The following ARL6IP6 variants were observed in gnomAD, a reference collection of about 807,000 sequenced individuals.
ARL6IP6 encodes ADP-ribosylation factor-like protein 6-interacting protein 6.
Under a neutral mutation model 21.5 loss-of-function variants are expected in ARL6IP6, and 22 were observed. The observed-to-expected ratio is 1.02, with a 90% CI of 0.73 to 1.46. ARL6IP6 has a LOEUF of 1.46. Among genes scored for constraint, ARL6IP6 ranks in the 40% most tolerant of loss-of-function variants. The pLI, the probability that ARL6IP6 is intolerant of heterozygous loss-of-function variation, is 0.00. For missense variants in ARL6IP6, 388 were observed against 299.8 expected (o/e 1.29, Z -2.17); for synonymous variants, 164 against 125.3 (o/e 1.31, Z -2.06).
intron 3 of ARL6IP6, among the ~76,000 whole-genome samples, chr2:152,735,913 C>G (rs1700529144): frequency 6.6e-6 from 1 of 152,042 alleles, no homozygotes; most frequent in African/African-American, 2.4e-5. Context: ...TTTATAAAAT[C>G]AAAATTGTGC....
chr2:152,720,310 ACT>A (rs1340353155), intron 1 of ARL6IP6: 7 of 562,620 alleles, frequency 1.2e-5, no homozygotes, highest in African/African-American at 3.8e-5. Flanking sequence ...AATAAACAGT[ACT>A]CTCATCCTAT....
intron 3 of ARL6IP6, among the ~76,000 whole-genome samples, chr2:152,741,908 A>C (rs1700827527): frequency 6.6e-6 from 1 of 152,212 alleles, no homozygotes; most frequent in African/African-American, 2.4e-5. Context: ...GACTGGATGG[A>C]AAGTCTTGTT....
At chr2:152,755,062 A>G (rs1025864780) in intron 3 of ARL6IP6, among the ~76,000 whole-genome samples, 1 of 152,188 alleles carries the variant, frequency 6.6e-6, no homozygotes, top group Non-Finnish European at 1.5e-5. Context: ...TCCTCTCTCT[A>G]CAATCATAAC....
intron 3 of ARL6IP6, among the ~76,000 whole-genome samples, chr2:152,742,012 A>T (rs764042593): frequency 6.6e-6 from 1 of 152,194 alleles, no homozygotes; most frequent in Non-Finnish European, 1.5e-5. Flanking sequence ...AGGCATTCCC[A>T]TGTTTCACTA....
chr2:152,740,311 C>G (rs1227924003), intron 3 of ARL6IP6, among the ~76,000 whole-genome samples: 2 of 152,066 alleles, frequency 1.3e-5, no homozygotes, highest in East Asian at 3.9e-4. Context: ...TGTGCCCAGG[C>G]TGGTCCCAAA....
rs879768477 is a variant in ARL6IP6 at position 152,758,655 on chromosome 2, GGGAACCATCA to G, written c.588-1087_588-1078del. 9.6e-4 allele frequency among the ~76,000 whole-genome samples: 146 copies of G among 152,240 alleles called. 2 individuals are homozygous for G. The highest frequency in any genetic ancestry group is 3.4e-3 in the African/African-American group (143 of 41,560). On this transcript the variant is annotated intron_variant, in intron 3 of 3. Transcript: ENST00000326446. ...ATAATAACTCCCTTGGAACAGAGCA[GGGAACCATCA>G]GGAAGCATCAGGGTCTATGTAGCTT... is the stretch of plus-strand genomic sequence containing the variant.
Position 152,718,849 on chromosome 2 carries a change from G to T in ARL6IP6, c.225G>T (p.Pro75=). 2 of 1,612,588 alleles carry T rather than the reference G, an allele frequency of 1.2e-6. No homozygotes were observed. Among genetic ancestry groups the T allele is most frequent in the Non-Finnish European group, 1.7e-6 (2 of 1,179,188 alleles). ...CCAGAAAGCGCTCGGTGCTCCCGCC[G>T]GACGGGAACGGGTCGCCCGTTCTGC... The part of the protein sequence containing the change: ...SEPRKRSVLP[P]DGNGSPVLPD... The change falls in exon 1 of 4, where the codon CCG becomes CCT. Residue 75 remains proline (P), a synonymous_variant. Transcript: ENST00000326446.
chr2:152,725,360 T>G (rs2105097169), intron 2 of ARL6IP6, among the ~76,000 whole-genome samples: 1 of 152,296 alleles, frequency 6.6e-6, no homozygotes, highest in African/African-American at 2.4e-5. Flanking sequence ...CCAGTAAGAC[T>G]TTCCTAAGAC....
At chr2:152,750,557 C>G (rs1701281119) in intron 3 of ARL6IP6, among the ~76,000 whole-genome samples, 1 of 151,482 alleles carries the variant, frequency 6.6e-6, no homozygotes, top group Non-Finnish European at 1.5e-5. Flanking sequence ...TAGAAGCGAC[C>G]TTAGGTTCAT....
intron 3 of ARL6IP6, among the ~76,000 whole-genome samples, chr2:152,743,911 A>G (rs75508109): frequency 0.02 from 3,065 of 152,266 alleles, 45 homozygotes; most frequent in Non-Finnish European, 0.034. Flanking sequence ...GAAATGCTAT[A>G]GAAATAGCAT....
At chr2:152,728,623 A>G (rs1184310135) in intron 2 of ARL6IP6, among the ~76,000 whole-genome samples, 1 of 152,214 alleles carries the variant, frequency 6.6e-6, no homozygotes, top group Non-Finnish European at 1.5e-5. Context: ...ATTTTGAAAA[A>G]TAAGCCAAAA....
At chr2:152,731,063 C>T (rs1700286945) in intron 2 of ARL6IP6, among the ~76,000 whole-genome samples, 1 of 152,224 alleles carries the variant, frequency 6.6e-6, no homozygotes, top group Non-Finnish European at 1.5e-5. Context: ...AACTCATTGT[C>T]TTTGCTGTGC....
At chr2:152,753,363 A>G (rs1701427751) in intron 3 of ARL6IP6, among the ~76,000 whole-genome samples, 1 of 152,142 alleles carries the variant, frequency 6.6e-6, no homozygotes, top group Non-Finnish European at 1.5e-5. Context: ...CATCACCACC[A>G]CCCACATACA....
At position 152,732,130 on chromosome 2, in the gene ARL6IP6, G is replaced by C. The variant is rs1373745798; in HGVS notation, c.455-2864G>C. ...TATATACATCATTTTATACAGGTTT[G>C]TATAATATACAAAGGTATATATATA... On this transcript the variant is annotated intron_variant, in intron 2 of 3. Transcript: ENST00000326446. 2.6e-5 allele frequency among the ~76,000 whole-genome samples: 4 copies of C among 151,666 alleles called. No individual in the cohort carries two copies. In the South Asian group the frequency reaches 8.3e-4, roughly 32 times the overall value.
chr2:152,733,722 C>T (rs1267757695), intron 2 of ARL6IP6, among the ~76,000 whole-genome samples: 1 of 152,170 alleles, frequency 6.6e-6, no homozygotes, highest in East Asian at 1.9e-4. Flanking sequence ...CATTTTCCAT[C>T]TGAATTCTGA....
rs1699908239 is a variant in ARL6IP6 at position 152,723,911 on chromosome 2, A to G, written c.454+3325A>G. ...ACAATGAAAATTGATTGAAACTCTG[A>G]ACTTGAACTTTTTAGCCAGTGTGTG... On this transcript the variant is annotated intron_variant, in intron 2 of 3. Coordinates refer to ENST00000326446, the MANE Select transcript of ARL6IP6 (RefSeq NM_152522.7). Among the ~76,000 whole-genome samples the G allele has an allele frequency of 2.0e-5, 3 of 152,308 alleles. No homozygotes were observed. The South Asian group carries it at 6.2e-4, about 32-fold the overall frequency.
chr2:152,759,416 A>G (rs1030406116), intron 3 of ARL6IP6, among the ~76,000 whole-genome samples: 6 of 152,220 alleles, frequency 3.9e-5, no homozygotes, highest in African/African-American at 1.4e-4. Flanking sequence ...TTGTAAAATA[A>G]CAAAACTTAT....
In ARL6IP6 at chr2:152,761,066, A is replaced by G. The variant is rs1336645580; in HGVS notation, c.*1226A>G. The G allele has an allele frequency of 6.6e-6, 1 of 152,212 alleles. No individual in the cohort carries two copies. Among genetic ancestry groups the G allele is most frequent in the Non-Finnish European group, 1.5e-5 (1 of 68,036 alleles). The allele number at this position is 152,212 out of a possible 1,614,324, so 9.4% of individuals were successfully genotyped here. On this transcript the variant is annotated 3_prime_UTR_variant, in exon 4 of 4. Coordinates refer to ENST00000326446, the MANE Select transcript of ARL6IP6 (RefSeq NM_152522.7). ...ATAGGAAAACTTACAATAAGAAACC[A>G]TTAAGTAGTCAAACTGCTTATTCAG...
chr2:152,750,762 T>C (rs1701291421), intron 3 of ARL6IP6, among the ~76,000 whole-genome samples: 1 of 152,216 alleles, frequency 6.6e-6, no homozygotes, highest in South Asian at 2.1e-4. Context: ...CTCGTTTACA[T>C]TTTATATCCA....
Sources: gnomAD v4.1 joint callset for allele counts (sites outside exome capture counted in the v4.1 genomes callset) on GRCh38, gnomAD v4.1.1 for gene constraint, MANE v1.5 for transcripts, NCBI Gene and HGNC (gene_info 2026-07-23, HGNC 2026-07-21) for gene names.